The following AFAP1L2 variants were observed in gnomAD, a reference collection of about 807,000 sequenced individuals.
AFAP1L2 encodes actin filament-associated protein 1-like 2.
Under a neutral mutation model 99.3 loss-of-function variants are expected in AFAP1L2, and 46 were observed. The ratio of observed to expected loss-of-function variants is 0.46; its 90% CI spans 0.37 to 0.59. AFAP1L2 has a LOEUF of 0.59. AFAP1L2 is among the 20% of genes least tolerant of loss of function. The pLI, the probability that AFAP1L2 is intolerant of heterozygous loss-of-function variation, is 0.00. For missense variants in AFAP1L2, 959 were observed against 1,034.9 expected (o/e 0.93, Z 1.01); for synonymous variants, 397 against 419.1 (o/e 0.95, Z 0.64).
chr10:114,317,142 C>CGATTTTACTAAGAAACACATTT (rs2044265682), intron 5 of AFAP1L2, among the ~76,000 whole-genome samples: 1 of 151,416 alleles, frequency 6.6e-6, no homozygotes, highest in Non-Finnish European at 1.5e-5. Context: ...AAAATGTTGT[C>CGATTTTACTAAGAAACACATTT]GATTTTACTA....
chr10:114,286,338 G>T, the AFAP1L2 span: 122 of 1,613,274 alleles, frequency 7.6e-5, no homozygotes, highest in African/African-American at 1.4e-3. Flanking sequence ...GGCCCAGCGC[G>T]TCACGCAAGG....
chr10:114,286,684 A>G, the AFAP1L2 span, among the ~76,000 whole-genome samples: 1 of 152,244 alleles, frequency 6.6e-6, no homozygotes, highest in Non-Finnish European at 1.5e-5. Context: ...TGTCAACAAA[A>G]TGGGACTAAT....
intron 1 of AFAP1L2, among the ~76,000 whole-genome samples, chr10:114,360,497 A>G (rs952842827): frequency 2.6e-5 from 3 of 116,346 alleles, no homozygotes; most frequent in Non-Finnish European, 5.3e-5. Context: ...AGATAGATAG[A>G]TAGATAGATA....
intron 1 of AFAP1L2, among the ~76,000 whole-genome samples, chr10:114,360,518 T>C (rs1461603992): frequency 7.1e-6 from 1 of 140,638 alleles, no homozygotes; most frequent in Non-Finnish European, 1.5e-5. Flanking sequence ...GTTAGATAGA[T>C]AGATAGATAG....
chr10:114,340,801 G>A (rs1433765340), intron 1 of AFAP1L2, 70 bp from the exon 2 acceptor site: 10 of 1,605,922 alleles, frequency 6.2e-6, no homozygotes, highest in Admixed American at 1.7e-5. Context: ...GATACACCTC[G>A]GGACCCTGCA....
intron 4 of AFAP1L2, among the ~76,000 whole-genome samples, chr10:114,326,306 T>G (rs767065266): frequency 6.6e-6 from 1 of 152,224 alleles, no homozygotes; most frequent in African/African-American, 2.4e-5. Context: ...TGGGGGCAAC[T>G]GTTTAAAGGC....
intron 1 of AFAP1L2, among the ~76,000 whole-genome samples, chr10:114,399,666 G>A (rs141410001): frequency 2.0e-4 from 30 of 152,216 alleles, no homozygotes; most frequent in South Asian, 1.0e-3. Flanking sequence ...TTGGAGACAC[G>A]GTCACACAAA....
At chr10:114,385,936 G>A (rs1444149232) in intron 1 of AFAP1L2, among the ~76,000 whole-genome samples, 5 of 151,018 alleles carry the variant, frequency 3.3e-5, no homozygotes, top group Non-Finnish European at 5.9e-5. Flanking sequence ...ACCACCCCCC[G>A]CCCCCCCTCA....
chr10:114,381,026 C>T lies in AFAP1L2; in HGVS notation c.16+23414G>A, dbSNP rs544191233. Among the ~76,000 whole-genome samples, 4 of 152,168 alleles carry T rather than the reference C, an allele frequency of 2.6e-5. No individual in the cohort carries two copies. In the East Asian group the frequency reaches 7.7e-4, roughly 29 times the overall value. ...TATATGCATGTGTGTGTATCTCACA[C>T]CCAAGAAAAATGAAAGCATATGTCC... On this transcript the variant is annotated intron_variant, in intron 1 of 18. Transcript: ENST00000304129.
intron 4 of AFAP1L2, among the ~76,000 whole-genome samples, chr10:114,329,905 T>C (rs933778641): frequency 5.9e-5 from 9 of 152,310 alleles, no homozygotes; most frequent in African/African-American, 2.2e-4. Flanking sequence ...GTCTGTTTCC[T>C]CATATGAAAA....
At chr10:114,401,115 G>A (rs538859206) in intron 1 of AFAP1L2, among the ~76,000 whole-genome samples, 7 of 152,272 alleles carry the variant, frequency 4.6e-5, no homozygotes, top group South Asian at 2.1e-4. Context: ...AGAGCTAAGC[G>A]GGGGGACTGG....
At chr10:114,356,543 AAATTT>A (rs2051417118) in intron 1 of AFAP1L2, among the ~76,000 whole-genome samples, 1 of 152,254 alleles carries the variant, frequency 6.6e-6, no homozygotes, top group African/African-American at 2.4e-5. Context: ...AATGTAATTT[AAATTT>A]AAGTGTCATT....
the AFAP1L2 span, chr10:114,286,389 T>G: frequency 6.2e-7 from 1 of 1,613,914 alleles, no homozygotes; most frequent in Non-Finnish European, 8.5e-7. Flanking sequence ...AGTGAGGCCG[T>G]GCGGGCAGAG....
intron 1 of AFAP1L2, among the ~76,000 whole-genome samples, chr10:114,344,492 A>G (rs1420296691): frequency 6.6e-6 from 1 of 152,190 alleles, no homozygotes; most frequent in African/African-American, 2.4e-5. Flanking sequence ...ATCCTTGGCT[A>G]TTCCCAAAAG....
chr10:114,348,427 T>G (rs1311669658), intron 1 of AFAP1L2, among the ~76,000 whole-genome samples: 1 of 152,200 alleles, frequency 6.6e-6, no homozygotes, highest in African/African-American at 2.4e-5. Context: ...GGAGTCTGAC[T>G]TCTTTTACTT....
At chr10:114,282,748 G>T in the AFAP1L2 span, among the ~76,000 whole-genome samples, 2 of 152,212 alleles carry the variant, frequency 1.3e-5, no homozygotes, top group African/African-American at 2.4e-5. Flanking sequence ...AATGGTGTTT[G>T]CTCATTAAGA....
chr10:114,298,268 C>T (rs1312604812), intron 16 of AFAP1L2, among the ~76,000 whole-genome samples: 1 of 152,042 alleles, frequency 6.6e-6, no homozygotes, highest in East Asian at 1.9e-4. Flanking sequence ...ATCCCAGCTA[C>T]TCAGGAGGCT....
At chr10:114,341,356 G>A (rs1445888254) in intron 1 of AFAP1L2, among the ~76,000 whole-genome samples, 2 of 152,112 alleles carry the variant, frequency 1.3e-5, no homozygotes, top group African/African-American at 4.8e-5. Context: ...GCTCACACCT[G>A]TAATCCCAGC....
Position 114,340,583 on chromosome 10 carries a change from C to A in AFAP1L2, c.145+20G>T. 6.2e-7 allele frequency: 1 copy of A among 1,610,426 alleles called. No homozygotes were observed. On this transcript the variant is annotated intron_variant, in intron 2 of 18. Coordinates refer to ENST00000304129, the MANE Select transcript of AFAP1L2 (RefSeq NM_001001936.3). ...TCTTTTGGCGTGGAGGCCTCTGCAC[C>A]ACCCAGGGCCCACACTCACTGCTGC...
Sources: gnomAD v4.1 joint callset for allele counts (sites outside exome capture counted in the v4.1 genomes callset) on GRCh38, gnomAD v4.1.1 for gene constraint, MANE v1.5 for transcripts, NCBI Gene and HGNC (gene_info 2026-07-23, HGNC 2026-07-21) for gene names.